Variants in SOD2 observed in about 807,000 individuals in gnomAD.
The protein encoded by SOD2 is superoxide dismutase 2.
Under a neutral mutation model 27.0 loss-of-function variants are expected in SOD2, and 11 were observed. That is an observed-to-expected ratio of 0.41 (90% CI 0.26 to 0.67). The LOEUF is 0.67. Among genes scored for constraint, SOD2 ranks in the 30% least tolerant of loss-of-function variants. The pLI, the probability that SOD2 is intolerant of heterozygous loss-of-function variation, is 0.34. For synonymous variants in SOD2, 105 were observed against 103.0 expected, an observed-to-expected ratio of 1.02 and a Z score of -0.12; for missense variants, 250 against 274.5, an observed-to-expected ratio of 0.91 and a Z score of 0.63.
At chr6:159,688,726 C>T (rs1418163462) in intron 2 of SOD2, among the ~76,000 whole-genome samples, 1 of 152,108 alleles carries the variant, frequency 6.6e-6, no homozygotes, top group African/African-American at 2.4e-5. Context: ...TTGTCCTCCA[C>T]GTCTCAGTAA....
chr6:159,726,721 C>A, intron 1 of SOD2: 3 of 1,254,664 alleles, frequency 2.4e-6, no homozygotes, highest in Non-Finnish European at 3.1e-6. Flanking sequence ...GCGCAACCTC[C>A]GACGCCAGAG....
At chr6:159,759,476 C>T (rs947657497) in intron 1 of SOD2, among the ~76,000 whole-genome samples, 1 of 151,440 alleles carries the variant, frequency 6.6e-6, no homozygotes, top group South Asian at 2.1e-4. Flanking sequence ...TCGAGATCAG[C>T]CTGACTAACA....
chr6:159,744,870 G>T (rs1779479904), intron 1 of SOD2, among the ~76,000 whole-genome samples: 1 of 152,120 alleles, frequency 6.6e-6, no homozygotes, highest in South Asian at 2.1e-4. Flanking sequence ...GTAGAGATGA[G>T]GTCTTCCCTA....
At chr6:159,700,351 G>T (rs1777502157) in intron 1 of SOD2, among the ~76,000 whole-genome samples, 2 of 152,112 alleles carry the variant, frequency 1.3e-5, no homozygotes, top group South Asian at 4.1e-4. Context: ...CATTTACATG[G>T]TTTAAGTTAA....
At chr6:159,743,923 C>A in intron 1 of SOD2, 1 of 1,019,468 alleles carries the variant, frequency 9.8e-7, no homozygotes, top group Non-Finnish European at 1.3e-6. Context: ...ATGCTTTGAG[C>A]TTTAAGAATA....
intron 2 of SOD2, among the ~76,000 whole-genome samples, chr6:159,689,762 C>T (rs1453434533): frequency 6.6e-6 from 1 of 151,756 alleles, no homozygotes; most frequent in Non-Finnish European, 1.5e-5. Context: ...GATTTCAAGA[C>T]CGGCCTGGCC....
intron 1 of SOD2, among the ~76,000 whole-genome samples, chr6:159,725,108 T>A (rs1778125334): frequency 6.6e-6 from 1 of 152,052 alleles, no homozygotes; most frequent in Non-Finnish European, 1.5e-5. Context: ...TCGCAGAAGG[T>A]CCTAAATCCA....
At position 159,682,536 on chromosome 6, in the gene SOD2, T is replaced by C. The variant is rs747809962; in HGVS notation, c.626A>G (p.Asn209Ser). 1.4e-5 allele frequency: 23 copies of C among 1,613,976 alleles called. No homozygotes were observed. The East Asian group carries it at 2.5e-4, about 17-fold the overall frequency. ...DYLKAIWNVI[N>S]WENVTERYMA... is the part of the protein sequence containing the mutation. Reference sequence around the variant, plus strand: ...GTATCTTTCAGTTACATTCTCCCAGTTGATTACATTCCAAATAGCTTTTAG... The same window carrying C: ...GTATCTTTCAGTTACATTCTCCCAGCTGATTACATTCCAAATAGCTTTTAG... Residue 209 changes from asparagine to serine, a missense_variant, in exon 5 of 5, where the codon AAC becomes AGC. Transcript: ENST00000538183.
chr6:159,719,882 C>T (rs1777998091), intron 1 of SOD2, among the ~76,000 whole-genome samples: 1 of 151,368 alleles, frequency 6.6e-6, no homozygotes, highest in South Asian at 2.1e-4. Context: ...GCCACCATAC[C>T]CGGCTAATTT....
chr6:159,702,549 C>T lies in SOD2; in HGVS notation c.-115-9686G>A, dbSNP rs183119532. On this transcript the variant is annotated intron_variant, in intron 1 of 2. Transcript: ENST00000401980. Reference sequence around the variant, plus strand: ...ACCTCAGACAATCTGCCCACCTCCGCGGCCTCCTGAAGTGCTGGGAATACA... The same window carrying T: ...ACCTCAGACAATCTGCCCACCTCCGTGGCCTCCTGAAGTGCTGGGAATACA... 2.0e-4 allele frequency among the ~76,000 whole-genome samples: 30 copies of T among 150,234 alleles called. No individual in the cohort carries two copies. The South Asian group carries it at 4.0e-3, about 20-fold the overall frequency.
At chr6:159,682,884 CAACAGTACTTT>C (rs774721467) in intron 4 of SOD2, among the ~76,000 whole-genome samples, 1 of 152,042 alleles carries the variant, frequency 6.6e-6, no homozygotes, top group Non-Finnish European at 1.5e-5. Flanking sequence ...GGAAAATTAA[CAACAGTACTTT>C]AATAGCTATT....
chr6:159,755,495 A>G (rs778477122), intron 1 of SOD2: 2 of 1,614,062 alleles, frequency 1.2e-6, no homozygotes, highest in Non-Finnish European at 1.7e-6. Flanking sequence ...CACAGACTCC[A>G]GTCATGACCC....
intron 1 of SOD2, among the ~76,000 whole-genome samples, chr6:159,725,367 G>A (rs1055109962): frequency 7.3e-5 from 11 of 151,714 alleles, no homozygotes; most frequent in Non-Finnish European, 1.5e-5. Context: ...TGTAATCCCA[G>A]CTATTCAGGA....
chr6:159,688,194 C>G lies in SOD2; in HGVS notation c.275G>C (p.Gly92Ala), dbSNP rs552696363. Residue 92 changes from glycine to alanine, a missense_variant, in exon 3 of 5, where the codon GGT (glycine) becomes GCT (alanine). By Grantham distance (60) the Gly-to-Ala change is moderately conservative. Coordinates refer to ENST00000538183, the MANE Select transcript of SOD2 (RefSeq NM_000636.4). The part of the protein sequence containing the change: ...IALQPALKFN[G>A]GGHINHSIFW... Reference sequence around the variant, plus strand: ...AATGCTATGATTGATATGACCACCACCATTGAACTTCAGTGCAGGCTGAAG... The same window carrying G: ...AATGCTATGATTGATATGACCACCAGCATTGAACTTCAGTGCAGGCTGAAG... The G allele has an allele frequency of 1.9e-6, 3 of 1,613,950 alleles. No homozygotes were observed. Among genetic ancestry groups the G allele is most frequent in the African/African-American group, 1.3e-5 (1 of 75,034 alleles).
At chr6:159,729,915 T>A (rs1778464859), upstream of SOD2, among the ~76,000 whole-genome samples, 1 of 152,158 alleles carries the variant, frequency 6.6e-6, no homozygotes, top group African/African-American at 2.4e-5. Context: ...GGTACTGGGA[T>A]CTGGGATGCT....
intron 1 of SOD2, among the ~76,000 whole-genome samples, chr6:159,722,108 T>G (rs560342886): frequency 2.7e-4 from 41 of 150,892 alleles, no homozygotes; most frequent in Admixed American, 1.2e-3. Context: ...TTGGGAGCAG[T>G]GGCCCATGCC....
intron 1 of SOD2, among the ~76,000 whole-genome samples, chr6:159,699,229 G>A (rs530592550): frequency 3.9e-4 from 59 of 152,170 alleles, no homozygotes; most frequent in Admixed American, 2.9e-3. Flanking sequence ...TCTCTTACAC[G>A]ACTCTGGTCA....
chr6:159,694,957 T>A (rs1214763010), upstream of SOD2, among the ~76,000 whole-genome samples: 1 of 152,032 alleles, frequency 6.6e-6, no homozygotes, highest in Admixed American at 6.6e-5. Flanking sequence ...GATTGTTAAT[T>A]GGAAGCTGAG....
chr6:159,709,752 C>A (rs1777695341), intron 1 of SOD2, among the ~76,000 whole-genome samples: 1 of 152,068 alleles, frequency 6.6e-6, no homozygotes, highest in Admixed American at 6.6e-5. Flanking sequence ...TTTGACCCAG[C>A]CATCCCATTA....
Sources: allele counts gnomAD v4.1 joint callset (sites outside exome capture counted in the v4.1 genomes callset), GRCh38; gene constraint gnomAD v4.1.1; transcripts MANE v1.5; gene names NCBI Gene and HGNC (gene_info 2026-07-23, HGNC 2026-07-21).